The following AGAP1 variants were observed in gnomAD, a reference collection of about 807,000 sequenced individuals.
AGAP1 encodes the protein ArfGAP with GTPase domain, ankyrin repeat and PH domain 1, also known as arf-GAP with GTPase, ANK repeat and PH domain-containing protein 1.
AGAP1 carries 29 observed loss-of-function variants against 105.3 expected under a neutral mutation model. The ratio of observed to expected loss-of-function variants is 0.28; its 90% CI spans 0.21 to 0.38. The LOEUF (loss-of-function observed/expected upper bound fraction) is 0.38. Ranked by LOEUF, AGAP1 falls within the 10% of genes least tolerant of loss-of-function variation. The pLI is 1.00. For missense variants in AGAP1, 998 were observed against 1,165.1 expected (o/e 0.86, Z 2.09); for synonymous variants, 509 against 485.9 (o/e 1.05, Z -0.63).
rs2059882217 is a variant in AGAP1 at position 236,120,902 on chromosome 2, GA to G, written c.2370+459del. ...ACCATTCTGATTAATTTCTACTGGGGAAAAGTATTATTTACATTCCTATTGA... is the reference window on the plus strand; with the variant it reads ...ACCATTCTGATTAATTTCTACTGGGGAAAGTATTATTTACATTCCTATTGA... On this transcript the variant is annotated intron_variant, in intron 17 of 17. Transcript: ENST00000304032. The surrounding 1 kb of genome is among the most constrained non-coding windows in gnomAD (Gnocchi z 6.0). 6.6e-6 allele frequency among the ~76,000 whole-genome samples: 1 copy of G among 152,232 alleles called. No individual in the cohort carries two copies. Among genetic ancestry groups the G allele is most frequent in the Non-Finnish European group, 1.5e-5 (1 of 68,052 alleles).
At position 235,581,976 on chromosome 2, in the gene AGAP1, C is replaced by T. The variant is rs192262879; in HGVS notation, c.163+87127C>T. ...GAGGTTTTATTATTCTGTGTTCACC[C>T]CAGGAAATTCTTAAGGCCTGAGTGT... is the stretch of plus-strand genomic sequence containing the variant. On this transcript the variant is annotated intron_variant, in intron 1 of 17. Coordinates refer to ENST00000304032, the MANE Select transcript of AGAP1 (RefSeq NM_001037131.3). 3.3e-5 allele frequency among the ~76,000 whole-genome samples: 5 copies of T among 152,264 alleles called. No individual in the cohort carries two copies. In the East Asian group the frequency reaches 9.6e-4, roughly 29 times the overall value.
At chr2:235,666,819 G>T (rs1430362929) in intron 1 of AGAP1, among the ~76,000 whole-genome samples, 2 of 151,952 alleles carry the variant, frequency 1.3e-5, no homozygotes, top group Non-Finnish European at 2.9e-5. Context: ...AAGCCAGATA[G>T]ATTTACATAC....
At chr2:235,619,319 G>C (rs895269954) in intron 1 of AGAP1, among the ~76,000 whole-genome samples, 6 of 152,032 alleles carry the variant, frequency 3.9e-5, no homozygotes, top group Middle Eastern at 3.4e-3. Context: ...ATCATGAAGT[G>C]GGGGAGCTGG....
chr2:235,892,290 A>G (rs146979549), intron 10 of AGAP1, among the ~76,000 whole-genome samples: 9 of 152,296 alleles, frequency 5.9e-5, no homozygotes, highest in African/African-American at 1.9e-4. Context: ...TAAAATTGTT[A>G]AAGAGCTTTT....
At chr2:235,863,902 G>A (rs1312789911) in intron 9 of AGAP1, among the ~76,000 whole-genome samples, 2 of 152,236 alleles carry the variant, frequency 1.3e-5, no homozygotes, top group African/African-American at 4.8e-5. Context: ...ATGGAAAAGA[G>A]AAACTAGAGG....
At chr2:235,765,669 G>C (rs987304999) in intron 6 of AGAP1, among the ~76,000 whole-genome samples, 1 of 152,164 alleles carries the variant, frequency 6.6e-6, no homozygotes, top group Non-Finnish European at 1.5e-5. Flanking sequence ...AGGAGGGGCT[G>C]TGACTCATCC....
At chr2:235,713,152 G>A (rs1950934264) in intron 2 of AGAP1, among the ~76,000 whole-genome samples, 1 of 152,140 alleles carries the variant, frequency 6.6e-6, no homozygotes, top group Non-Finnish European at 1.5e-5. Flanking sequence ...AAGGATGTTT[G>A]GTTTTGGAGC....
chr2:235,648,725 A>C (rs76430018), intron 1 of AGAP1, among the ~76,000 whole-genome samples: 1 of 72,994 alleles, frequency 1.4e-5, no homozygotes, highest in East Asian at 4.6e-4. Context: ...AAAAAAAAAA[A>C]AAAAAAAAAA....
rs1210222939 is a variant in AGAP1, at chr2:235,838,794, C to A, written c.1050+31463C>A. On this transcript the variant is annotated intron_variant, in intron 9 of 17. Coordinates refer to ENST00000304032, the MANE Select transcript of AGAP1 (RefSeq NM_001037131.3). The stretch of plus-strand genomic sequence containing the variant: ...ATCCCCAACCTTCTAGTATTTTCTA[C>A]AGATGACATTTAGTGAACAGAAAGC... Among the ~76,000 whole-genome samples the A allele has an allele frequency of 3.3e-5, 5 of 152,162 alleles. No homozygotes were observed. The South Asian group carries it at 8.3e-4, about 25-fold the overall frequency.
chr2:235,702,838 T>G (rs1950320438), intron 1 of AGAP1, among the ~76,000 whole-genome samples: 1 of 151,450 alleles, frequency 6.6e-6, no homozygotes, highest in Non-Finnish European at 1.5e-5. Flanking sequence ...TTTGATGGAA[T>G]ATAAATTGAC....
intron 1 of AGAP1, among the ~76,000 whole-genome samples, chr2:235,520,759 T>A (rs931879935): frequency 2.0e-5 from 3 of 152,226 alleles, no homozygotes; most frequent in African/African-American, 7.2e-5. Context: ...TATTTACTAA[T>A]CGTAAAAATA....
chr2:235,710,992 G>A (rs1950827742), intron 2 of AGAP1, among the ~76,000 whole-genome samples: 1 of 152,218 alleles, frequency 6.6e-6, no homozygotes, highest in South Asian at 2.1e-4. Context: ...AGGAAACTGA[G>A]GCTCAGAGAC....
intron 9 of AGAP1, among the ~76,000 whole-genome samples, chr2:235,862,228 G>A (rs1377440067): frequency 6.6e-6 from 1 of 152,152 alleles, no homozygotes; most frequent in African/African-American, 2.4e-5. Context: ...TTTTCCAGAA[G>A]CACAGTTTGT....
rs35682186 is a variant in AGAP1, at chr2:235,701,758, T to A, written c.164-7421T>A. On this transcript the variant is annotated intron_variant, in intron 1 of 17. Transcript: ENST00000304032. This position sits in a 1 kb window ranked among gnomAD's most constrained non-coding sequence, Gnocchi z 4.1. ...TGCAGCGGGCTCTTTTCCGGCTGCG[T>A]TGAAATGGATTTCTTTATTCTATTT... 0.16 allele frequency among the ~76,000 whole-genome samples: 24,300 copies of A among 152,154 alleles called. 2,546 individuals carry two copies. Among genetic ancestry groups the A allele is most frequent in the Admixed American group, 0.32 (4,843 of 15,286 alleles).
rs745954616 is a variant in AGAP1 at position 235,799,434 on chromosome 2, A to G, written c.869A>G (p.Gln290Arg). ...SSVPSTPSTSQKELRIDVPPT... is the reference protein window; with the variant it reads ...SSVPSTPSTSRKELRIDVPPT... Reference sequence around the variant, plus strand: ...GTTCCATCGACTCCCAGCACCAGCCAGAAGGAACTTCGGATCGATGTTCCT... The same window carrying G: ...GTTCCATCGACTCCCAGCACCAGCCGGAAGGAACTTCGGATCGATGTTCCT... The change falls in exon 8 of 18, where the codon CAG becomes CGG. Residue 290 changes from glutamine (Q) to arginine (R), a missense_variant. Coordinates refer to ENST00000304032, the MANE Select transcript of AGAP1 (RefSeq NM_001037131.3). The surrounding 1 kb of genome is among the most constrained non-coding windows in gnomAD (Gnocchi z 5.0). 3 of 1,614,244 alleles carry G rather than the reference A, an allele frequency of 1.9e-6. No homozygotes were observed. The highest frequency in any genetic ancestry group is 2.5e-6 in the Non-Finnish European group (3 of 1,180,046).
chr2:235,541,309 A>G (rs747044590), intron 1 of AGAP1, among the ~76,000 whole-genome samples: 2 of 146,012 alleles, frequency 1.4e-5, no homozygotes, highest in Non-Finnish European at 3.0e-5. Context: ...TTCTCCATTT[A>G]CTTTGCTTCC....
chr2:236,020,573 T>C lies in AGAP1; in HGVS notation c.1646-15988T>C, dbSNP rs2056851068. ...GTGGCTTGGGATGCTTTCCTGGGTC[T>C]GTCCTTCCTCTCTGTTCTTTTCTTC... On this transcript the variant is annotated intron_variant, in intron 13 of 17. Transcript: ENST00000304032. The surrounding 1 kb of genome is among the most constrained non-coding windows in gnomAD (Gnocchi z 5.0). Among the ~76,000 whole-genome samples the C allele has an allele frequency of 1.3e-5, 2 of 152,210 alleles. No individual in the cohort carries two copies. Among genetic ancestry groups the C allele is most frequent in the Non-Finnish European group, 2.9e-5 (2 of 68,042 alleles).
chr2:235,667,561 ATCTCCC>A (rs1948166731), intron 1 of AGAP1, among the ~76,000 whole-genome samples: 1 of 152,110 alleles, frequency 6.6e-6, no homozygotes. Context: ...GAGCCTCTGC[ATCTCCC>A]TAACCAGATG....
intron 12 of AGAP1, among the ~76,000 whole-genome samples, chr2:235,947,227 G>A (rs191802558): frequency 5.9e-5 from 9 of 151,966 alleles, no homozygotes; most frequent in Admixed American, 6.6e-5. Context: ...CCTCGCCACC[G>A]CCCACCCTTT....
Sources: gnomAD v4.1 joint callset for allele counts (sites outside exome capture counted in the v4.1 genomes callset) on GRCh38, gnomAD v4.1.1 for gene constraint, Gnocchi (gnomAD v3.1) non-coding constraint, MANE v1.5 for transcripts, NCBI Gene and HGNC (gene_info 2026-07-23, HGNC 2026-07-21) for gene names.